DLC1: variants seen among roughly 807,000 people sequenced by gnomAD.
The protein encoded by DLC1 is rho GTPase-activating protein 7.
In DLC1, 54 loss-of-function variants were observed where a neutral mutation model predicts 140.3. The observed-to-expected ratio is 0.38, with a 90% CI of 0.31 to 0.48. DLC1 has a LOEUF of 0.48. Ranked by LOEUF, DLC1 falls within the 20% of genes least tolerant of loss-of-function variation. The pLI is 0.96. For missense variants in DLC1, 2,536 were observed against 1,907.0 expected, an observed-to-expected ratio of 1.33 and a Z score of -6.14; for synonymous variants, 986 against 728.1, an observed-to-expected ratio of 1.35 and a Z score of -5.70.
chr8:13,398,994 C>G (rs772827032), intron 3 of DLC1, among the ~76,000 whole-genome samples: 14 of 151,990 alleles, frequency 9.2e-5, no homozygotes, highest in Non-Finnish European at 1.8e-4. Flanking sequence ...GTTGAATAGC[C>G]ACCTTGAAAT....
chr8:13,089,106 G>T (rs1412704244), intron 15 of DLC1, among the ~76,000 whole-genome samples: 3 of 150,112 alleles, frequency 2.0e-5, no homozygotes, highest in Non-Finnish European at 3.0e-5. Context: ...TAAAAATATG[G>T]AAATTAGCCA....
chr8:13,137,303 T>C (rs1442142427), intron 5 of DLC1, among the ~76,000 whole-genome samples: 1 of 152,148 alleles, frequency 6.6e-6, no homozygotes, highest in Non-Finnish European at 1.5e-5. Context: ...CGTTAGATAA[T>C]GTTAGAAGGG....
chr8:13,426,068 C>G (rs889928802), intron 2 of DLC1, among the ~76,000 whole-genome samples: 1 of 152,142 alleles, frequency 6.6e-6, no homozygotes, highest in African/African-American at 2.4e-5. Context: ...CTGCCTTGCC[C>G]TCTCAAAGTG....
At chr8:13,479,888 A>T (rs1019057840) in intron 2 of DLC1, among the ~76,000 whole-genome samples, 1 of 41,316 alleles carries the variant, frequency 2.4e-5, no homozygotes, top group Non-Finnish European at 9.5e-5. Context: ...AGAAAGAAAG[A>T]AAAAGAAAGA....
At chr8:13,180,614 G>A (rs745893779) in intron 5 of DLC1, among the ~76,000 whole-genome samples, 15 of 151,602 alleles carry the variant, frequency 9.9e-5, no homozygotes, top group Non-Finnish European at 1.6e-4. Context: ...GTTTCTTACA[G>A]TGCATCATGT....
chr8:13,434,642 T>C (rs1304795489), intron 2 of DLC1, among the ~76,000 whole-genome samples: 1 of 152,188 alleles, frequency 6.6e-6, no homozygotes, highest in Non-Finnish European at 1.5e-5. Flanking sequence ...ACTGTGCAGC[T>C]GATGGTTCAA....
chr8:13,193,691 G>A (rs188748340), intron 5 of DLC1, among the ~76,000 whole-genome samples: 503 of 152,292 alleles, frequency 3.3e-3, no homozygotes, highest in African/African-American at 0.011. Flanking sequence ...AAGGAAGTGA[G>A]TACATTCAAG....
chr8:13,566,004 T>G (rs1277285479), intron 1 of DLC1, among the ~76,000 whole-genome samples: 1 of 152,170 alleles, frequency 6.6e-6, no homozygotes, highest in African/African-American at 2.4e-5. Flanking sequence ...AAGGTAAGAT[T>G]TATTTGTTCC....
At chr8:13,586,842 T>C (rs1297322014) in intron 1 of DLC1, among the ~76,000 whole-genome samples, 1 of 152,126 alleles carries the variant, frequency 6.6e-6, no homozygotes, top group African/African-American at 2.4e-5. Flanking sequence ...AGACTTGTTA[T>C]AGTGGCATTC....
chr8:13,155,227 T>C (rs1020728976), intron 5 of DLC1, among the ~76,000 whole-genome samples: 5 of 152,004 alleles, frequency 3.3e-5, no homozygotes, highest in Non-Finnish European at 7.4e-5. Flanking sequence ...TATGGCTATA[T>C]CCTAATTATT....
chr8:13,578,398 C>T (rs1167440742), intron 1 of DLC1, among the ~76,000 whole-genome samples: 1 of 152,148 alleles, frequency 6.6e-6, no homozygotes, highest in East Asian at 1.9e-4. Context: ...GTGGGGTTTT[C>T]CCTGCTACAC....
intron 1 of DLC1, among the ~76,000 whole-genome samples, chr8:13,551,301 C>A (rs1311407131): frequency 1.3e-5 from 2 of 152,050 alleles, no homozygotes; most frequent in African/African-American, 4.8e-5. Flanking sequence ...TCAGTATGTG[C>A]ACACATATCT....
intron 5 of DLC1, among the ~76,000 whole-genome samples, chr8:13,199,100 C>G (rs1827230552): frequency 6.6e-6 from 1 of 151,620 alleles, no homozygotes; most frequent in South Asian, 2.1e-4. Context: ...TGCGTATAAT[C>G]TCATCTCAAT....
At chr8:13,547,611 A>T (rs1450018361) in intron 1 of DLC1, among the ~76,000 whole-genome samples, 1 of 152,096 alleles carries the variant, frequency 6.6e-6, no homozygotes, top group Non-Finnish European at 1.5e-5. Context: ...CTCTGTCGGC[A>T]GCAGAGACAA....
At chr8:13,145,643 A>T (rs938292842) in intron 5 of DLC1, among the ~76,000 whole-genome samples, 2 of 152,362 alleles carry the variant, frequency 1.3e-5, no homozygotes, top group East Asian at 3.9e-4. Flanking sequence ...TGAAGAATAG[A>T]TCTTTAAAAA....
intron 1 of DLC1, among the ~76,000 whole-genome samples, chr8:13,554,197 G>C (rs1803965607): frequency 6.6e-6 from 1 of 152,074 alleles, no homozygotes; most frequent in Non-Finnish European, 1.5e-5. Context: ...CTCCCGAGTA[G>C]CTGGAATTAC....
At chr8:13,204,105 CA>C (rs1281673848) in intron 5 of DLC1, among the ~76,000 whole-genome samples, 2 of 152,120 alleles carry the variant, frequency 1.3e-5, no homozygotes, top group East Asian at 3.9e-4. Context: ...CAAAAATGCT[CA>C]GGGGGAAAAA....
intron 2 of DLC1, among the ~76,000 whole-genome samples, chr8:13,479,659 G>A (rs1347417559): frequency 6.6e-6 from 1 of 151,828 alleles, no homozygotes; most frequent in African/African-American, 2.4e-5. Context: ...CAAGCTACTG[G>A]TTGGGCAAGG....
At chr8:13,585,868 T>C (rs915190861) in intron 1 of DLC1, among the ~76,000 whole-genome samples, 1 of 152,338 alleles carries the variant, frequency 6.6e-6, no homozygotes, top group Non-Finnish European at 1.5e-5. Context: ...TGTCTCCAAA[T>C]ACAGTCACAT....
Sources: gnomAD v4.1 joint callset for allele counts (sites outside exome capture counted in the v4.1 genomes callset) on GRCh38, gnomAD v4.1.1 for gene constraint, MANE v1.5 for transcripts, NCBI Gene and HGNC (gene_info 2026-07-23, HGNC 2026-07-21) for gene names.